Variants in CCDC22 observed in about 807,000 individuals in gnomAD.
CCDC22 encodes CCC complex scaffolding subunit CCDC22, also known as coiled-coil domain-containing protein 22.
A neutral mutation model predicts 53.1 loss-of-function variants in CCDC22; 4 were observed. The observed-to-expected ratio is 0.08, with a 90% CI of 0.04 to 0.17. The LOEUF is 0.17. Among genes scored for constraint, CCDC22 ranks in the 10% least tolerant of loss-of-function variants. CCDC22 has a pLI of 1.00. For missense variants in CCDC22, 458 were observed against 554.0 expected, an observed-to-expected ratio of 0.83 and a Z score of 1.74; for synonymous variants, 222 against 224.4, an observed-to-expected ratio of 0.99 and a Z score of 0.10.
chrX:49,242,114 C>T lies in CCDC22; in HGVS notation c.327C>T (p.Pro109=). The part of the protein sequence containing the change: ...DLLLFLAERL[P]TDASEDADQP... Reference sequence around the variant, plus strand: ...TTCTCTTCTTGGCTGAGCGTCTGCCCACCGATGCCTCTGAGGATGCAGACC... The same window carrying T: ...TTCTCTTCTTGGCTGAGCGTCTGCCTACCGATGCCTCTGAGGATGCAGACC... Residue 109 remains proline, a synonymous_variant, in exon 3 of 17, where the codon CCC becomes CCT. Transcript: ENST00000376227. The T allele has an allele frequency of 2.5e-6, 3 of 1,210,639 alleles. No homozygotes were observed. Among genetic ancestry groups the T allele is most frequent in the Non-Finnish European group, 3.4e-6 (3 of 895,128 alleles).
At chrX:49,243,610 T>C (rs912526736) in intron 6 of CCDC22, 148 bp downstream of exon 6, 1 of 476,324 alleles carries the variant, frequency 2.1e-6, no homozygotes, top group African/African-American at 2.4e-5. Flanking sequence ...GAAAGAACAC[T>C]GGAGTCAGAA....
chrX:49,248,779 G>T (rs782617563), intron 12 of CCDC22, 38 bp from the exon 13 acceptor site: 4 of 1,206,118 alleles, frequency 3.3e-6, no homozygotes, highest in Non-Finnish European at 3.4e-6. Flanking sequence ...AGGGTGGGGG[G>T]ATGGTCCTGG....
At chrX:49,239,437 C>T (rs1331130082) in intron 2 of CCDC22, 7 of 746,353 alleles carry the variant, frequency 9.4e-6, no homozygotes, top group Non-Finnish European at 1.1e-5. Context: ...TTGGATAGGT[C>T]CGATCTGGAA....
intron 1 of CCDC22, 140 bp downstream of exon 1, chrX:49,235,826 T>TACAC (rs797042658): frequency 0.041 from 9,879 of 238,385 alleles, 304 homozygotes; most frequent in Admixed American, 0.14. Flanking sequence ...CTCACCCCCT[T>TACAC]ACACACACAC....
Position 49,243,133 on chromosome X carries a change from A to G in CCDC22, c.484A>G (p.Lys162Glu), listed in dbSNP as rs1557113632. 2 of 1,211,330 alleles carry G rather than the reference A, an allele frequency of 1.7e-6. No homozygotes were observed. ...LQHLQGSALQKPFHASRLVVP... is the reference protein window; with the variant it reads ...LQHLQGSALQEPFHASRLVVP... ...CTCCCACCAGGGCTCGGCCCTCCAGAAGCCTTTCCATGCCAGCAGGCTGGT... is the reference window on the plus strand; with the variant it reads ...CTCCCACCAGGGCTCGGCCCTCCAGGAGCCTTTCCATGCCAGCAGGCTGGT... Residue 162 changes from lysine (K) to glutamate (E), a missense_variant, in exon 5 of 17, where the codon AAG (lysine) becomes GAG (glutamate). Coordinates refer to ENST00000376227, the MANE Select transcript of CCDC22 (RefSeq NM_014008.5).
chrX:49,243,465 A>G lies in CCDC22; in HGVS notation c.714+3A>G, dbSNP rs2065974371. On this transcript the variant is annotated splice_donor_region_variant and intron_variant, in intron 6 of 16. Coordinates refer to ENST00000376227, the MANE Select transcript of CCDC22 (RefSeq NM_014008.5). ...GGACATCCCGCCTCCCACCCCAGGTACAGCCAGATGCCTGGCTCCCTGCTG... is the reference window on the plus strand; with the variant it reads ...GGACATCCCGCCTCCCACCCCAGGTGCAGCCAGATGCCTGGCTCCCTGCTG... 5.2e-6 allele frequency: 6 copies of G among 1,155,673 alleles called. No homozygotes were observed. The highest frequency in any genetic ancestry group is 2.5e-5 in the Admixed American group (1 of 39,755).
chrX:49,249,358 G>T, intron 14 of CCDC22, 96 bp downstream of exon 14: 2 of 882,777 alleles, frequency 2.3e-6, no homozygotes, highest in Non-Finnish European at 3.3e-6. Flanking sequence ...CCCAGGCCCT[G>T]TGCGAGGCTG....
At chrX:49,237,651 C>T (rs1557112909) in intron 2 of CCDC22, among the ~76,000 whole-genome samples, 1 of 111,542 alleles carries the variant, frequency 9.0e-6, no homozygotes, top group Admixed American at 9.6e-5. Context: ...CCACCCCCAC[C>T]CCATAGTATC....
rs782228512 is a variant in CCDC22 at position 49,250,271 on chromosome X, G to A, written c.*10G>A. 2.6e-5 allele frequency: 26 copies of A among 992,167 alleles called. No individual in the cohort carries two copies. The highest frequency in any genetic ancestry group is 2.1e-4 in the African/African-American group (11 of 52,676). The allele number at this position is 992,167 out of a possible 1,213,427, so 81.8% of individuals were successfully genotyped here. On this transcript the variant is annotated 3_prime_UTR_variant, in exon 17 of 17. Transcript: ENST00000376227. ...GGTCCGGGAGGCCTGAGGAGCCGCCGGCAGAGGTCTCTCCCCAGCCTCAGG... is the reference window on the plus strand; with the variant it reads ...GGTCCGGGAGGCCTGAGGAGCCGCCAGCAGAGGTCTCTCCCCAGCCTCAGG...
intron 3 of CCDC22, 60 bp from the exon 4 acceptor site, chrX:49,242,826 G>A: frequency 4.0e-6 from 3 of 740,804 alleles, no homozygotes; most frequent in South Asian, 3.0e-5. Flanking sequence ...GTCTCCTAGG[G>A]TATGCCCTTT....
In CCDC22 at chrX:49,248,944, G is replaced by A; in HGVS notation, c.1539+20G>A. 2.5e-6 allele frequency: 3 copies of A among 1,203,353 alleles called. No individual in the cohort carries two copies. The highest frequency in any genetic ancestry group is 1.8e-5 in the South Asian group (1 of 55,622). On this transcript the variant is annotated intron_variant, in intron 13 of 16. Transcript: ENST00000376227. ...ACCAAGGTACACTGCCAGGGCCATG[G>A]AGGGTGGGTCATGTGGGCTGTCAGG...
rs1557114727 is a variant in CCDC22 at position 49,248,443 on chromosome X, T to C, written c.1249T>C (p.Leu417=). 1 of 1,210,667 alleles carries C rather than the reference T, an allele frequency of 8.3e-7. No individual in the cohort carries two copies. Among genetic ancestry groups the C allele is most frequent in the Non-Finnish European group, 1.1e-6 (1 of 895,214 alleles). The stretch of plus-strand genomic sequence containing the variant: ...GAATAGTGCCCAGCGGGTCATCCAC[T>C]TGGCGGGTCAGTGGGAGAAGCACCG... ...VENSAQRVIH[L]AGQWEKHRVP... The change falls in exon 11 of 17, where the codon TTG becomes CTG. Residue 417 remains leucine (L), a synonymous_variant. Transcript: ENST00000376227.
intron 2 of CCDC22, among the ~76,000 whole-genome samples, chrX:49,240,869 A>G (rs782806000): frequency 8.9e-6 from 1 of 112,349 alleles, no homozygotes; most frequent in South Asian, 3.6e-4. Flanking sequence ...GGTTATACTT[A>G]TTTGACCTTG....
At position 49,246,787 on chromosome X, in the gene CCDC22, C is replaced by A. The variant is rs782575544; in HGVS notation, c.771C>A (p.Arg257=). ...RLQKQLTEHL[R]QSWGLLGAPI... is the part of the protein sequence containing the mutation. Reference sequence around the variant, plus strand: ...AAAAGCAACTGACTGAGCATCTGCGCCAAAGCTGGGGCCTGCTTGGGGCCC... The same window carrying A: ...AAAAGCAACTGACTGAGCATCTGCGACAAAGCTGGGGCCTGCTTGGGGCCC... The change falls in exon 7 of 17, where the codon CGC becomes CGA. Residue 257 remains arginine, a synonymous_variant. Transcript: ENST00000376227. 1 of 1,190,272 alleles carries A rather than the reference C, an allele frequency of 8.4e-7. No homozygotes were observed. The highest frequency in any genetic ancestry group is 2.3e-5 in the Admixed American group (1 of 43,702).
intron 2 of CCDC22, among the ~76,000 whole-genome samples, chrX:49,241,099 C>T (rs148898968): frequency 3.4e-3 from 384 of 111,809 alleles, no homozygotes; most frequent in African/African-American, 0.012. Flanking sequence ...TGCCTGAGGT[C>T]GTATAGTTGG....
intron 6 of CCDC22, among the ~76,000 whole-genome samples, chrX:49,243,847 GGCGTGATCT>G (rs2065975881): frequency 8.9e-6 from 1 of 112,382 alleles, no homozygotes; most frequent in Admixed American, 9.4e-5. Context: ...GGAGTGCAGT[GGCGTGATCT>G]CAGCACACTG....
chrX:49,247,452 G>T, intron 7 of CCDC22, 44 bp from the exon 8 acceptor site: 2 of 1,139,680 alleles, frequency 1.8e-6, no homozygotes, highest in South Asian at 3.8e-5. Flanking sequence ...ACGTGAGGAA[G>T]GGCCTTCCCT....
At chrX:49,248,147 G>A in intron 9 of CCDC22, 44 bp from the exon 10 acceptor site, 1 of 1,198,535 alleles carries the variant, frequency 8.3e-7, no homozygotes, top group Non-Finnish European at 1.1e-6. Flanking sequence ...CATCTGTGGA[G>A]CTCCATGGGG....
chrX:49,241,455 C>G (rs1602669178), intron 2 of CCDC22, among the ~76,000 whole-genome samples: 1 of 102,546 alleles, frequency 9.8e-6, no homozygotes, highest in East Asian at 3.0e-4. Flanking sequence ...CTACTGCACT[C>G]CAGCCTGAGC....
Sources: gnomAD v4.1 joint callset for allele counts (sites outside exome capture counted in the v4.1 genomes callset) on GRCh38, gnomAD v4.1.1 for gene constraint, MANE v1.5 for transcripts, NCBI Gene and HGNC (gene_info 2026-07-23, HGNC 2026-07-21) for gene names.